Variants in PDE6A observed in about 807,000 individuals in gnomAD.
PDE6A encodes the protein phosphodiesterase 6A.
In PDE6A, 84 loss-of-function variants were observed where a neutral mutation model predicts 106.3. The ratio of observed to expected loss-of-function variants is 0.79; its 90% CI spans 0.66 to 0.95. The LOEUF is 0.95. PDE6A is among the 40% of genes least tolerant of loss of function. PDE6A has a pLI of 0.00. For synonymous variants in PDE6A, 394 were observed against 386.6 expected (o/e 1.02, Z -0.23); for missense variants, 1,052 against 1,084.9 (o/e 0.97, Z 0.43).
At chr5:149,926,456 A>G (rs1753865726) in intron 4 of PDE6A, among the ~76,000 whole-genome samples, 1 of 152,174 alleles carries the variant, frequency 6.6e-6, no homozygotes, top group Non-Finnish European at 1.5e-5. Flanking sequence ...GAATACTCAC[A>G]TTACTTCACA....
Position 149,893,248 on chromosome 5 carries a change from G to A in PDE6A, c.1728+1935C>T, listed in dbSNP as rs114869312. Among the ~76,000 whole-genome samples the A allele has an allele frequency of 3.6e-3, 541 of 152,162 alleles. 3 individuals are homozygous for A. Among genetic ancestry groups the A allele is most frequent in the African/African-American group, 8.6e-3 (359 of 41,506 alleles). ...CGACCATACCAAGTTCTTCTCTACCGCAAAACTTTAGGGCCTTGAGTCTTG... is the reference window on the plus strand; with the variant it reads ...CGACCATACCAAGTTCTTCTCTACCACAAAACTTTAGGGCCTTGAGTCTTG... On this transcript the variant is annotated intron_variant, in intron 13 of 21. Coordinates refer to ENST00000255266, the MANE Select transcript of PDE6A (RefSeq NM_000440.3).
rs771872337 is a variant in PDE6A at position 149,866,114 on chromosome 5, G to A, written c.2358+56C>T. 3.9e-4 allele frequency: 500 copies of A among 1,272,152 alleles called. 1 individual carries two copies. The highest frequency in any genetic ancestry group is 5.4e-4 in the Non-Finnish European group (472 of 868,522). The allele number at this position is 1,272,152 out of a possible 1,614,324, so 78.8% of individuals were successfully genotyped here. A position where few individuals can be genotyped will look rare whatever the true frequency, so the allele number is the denominator to read the frequency against. Reference sequence around the variant, plus strand: ...GGTTTATTATTCCTGCTGTTGTCTGGAAATCCCAGGTTTATCAAAGACATC... The same window carrying A: ...GGTTTATTATTCCTGCTGTTGTCTGAAAATCCCAGGTTTATCAAAGACATC... On this transcript the variant is annotated intron_variant, in intron 20 of 21. Transcript: ENST00000255266.
intron 5 of PDE6A, among the ~76,000 whole-genome samples, chr5:149,917,154 G>GT (rs1043687342): frequency 2.0e-5 from 3 of 147,708 alleles, no homozygotes; most frequent in African/African-American, 7.5e-5. Flanking sequence ...ATACAATTTT[G>GT]TTTTTCTAGG....
At chr5:149,878,910 C>T (rs1760831562) in intron 17 of PDE6A, among the ~76,000 whole-genome samples, 1 of 152,100 alleles carries the variant, frequency 6.6e-6, no homozygotes, top group African/African-American at 2.4e-5. Context: ...AAATATTTAC[C>T]TCCAGCTTAT....
At chr5:149,928,340 C>T (rs1183755192) in intron 4 of PDE6A, among the ~76,000 whole-genome samples, 1 of 148,732 alleles carries the variant, frequency 6.7e-6, no homozygotes, top group Non-Finnish European at 1.5e-5. Context: ...CAGGTTCAGG[C>T]AATTCTCCTG....
chr5:149,931,511 A>G (rs1754036151), intron 3 of PDE6A, among the ~76,000 whole-genome samples: 1 of 152,254 alleles, frequency 6.6e-6, no homozygotes, highest in Admixed American at 6.5e-5. Context: ...TATTGCACAC[A>G]TATTAAACTG....
At chr5:149,892,194 T>A (rs1752570131) in intron 13 of PDE6A, among the ~76,000 whole-genome samples, 1 of 152,002 alleles carries the variant, frequency 6.6e-6, no homozygotes, top group Non-Finnish European at 1.5e-5. Context: ...TACTTGTCTG[T>A]AGTTTTAGCT....
At chr5:149,938,800 C>A (rs1017051206) in intron 1 of PDE6A, among the ~76,000 whole-genome samples, 3 of 152,106 alleles carry the variant, frequency 2.0e-5, no homozygotes, top group African/African-American at 7.2e-5. Context: ...TGTGGCAAAT[C>A]TTCCCAAGGC....
intron 19 of PDE6A, chr5:149,867,185 G>T: frequency 5.3e-6 from 1 of 189,584 alleles, no homozygotes; most frequent in Non-Finnish European, 1.1e-5. Context: ...TCCCAGCTTT[G>T]CCTTCAGGGA....
chr5:149,944,545 G>A lies in PDE6A; in HGVS notation c.129C>T (p.Ala43=), dbSNP rs377694840. 1.5e-5 allele frequency: 25 copies of A among 1,614,020 alleles called. No homozygotes were observed. Among genetic ancestry groups the A allele is most frequent in the African/African-American group, 4.0e-5 (3 of 74,990 alleles). Residue 43 remains alanine (A), a synonymous_variant, in exon 1 of 22, where the codon GCC becomes GCT. Coordinates refer to ENST00000255266, the MANE Select transcript of PDE6A (RefSeq NM_000440.3). ...GGGAGTGGTAGTTGCTGAAGTCCAC[G>A]GCAGCCTCCTTGGCCCCAAGGAGGT... is the stretch of plus-strand genomic sequence containing the variant. ...ISDLLGAKEA[A]VDFSNYHSPS...
intron 20 of PDE6A, among the ~76,000 whole-genome samples, chr5:149,864,629 T>C (rs1760260448): frequency 6.6e-6 from 1 of 152,136 alleles, no homozygotes; most frequent in Non-Finnish European, 1.5e-5. Context: ...TCCTGTGAGG[T>C]AGGAAAATAA....
chr5:149,914,789 C>G (rs1753500695), intron 6 of PDE6A, among the ~76,000 whole-genome samples, 154 bp downstream of exon 6: 1 of 151,856 alleles, frequency 6.6e-6, no homozygotes, highest in Admixed American at 6.6e-5. Flanking sequence ...GCTTGTCTTT[C>G]TTCAGTCCTT....
At chr5:149,910,874 C>CTTTTTTTTTTTTT (rs386405293) in intron 6 of PDE6A, among the ~76,000 whole-genome samples, 5 of 87,150 alleles carry the variant, frequency 5.7e-5, no homozygotes, top group South Asian at 4.8e-4. Context: ...TTTCTTTTTC[C>CTTTTTTTTTTTTT]TTTTTTTTTT....
At chr5:149,862,443 G>A (rs960689599) in intron 21 of PDE6A, among the ~76,000 whole-genome samples, 2 of 152,232 alleles carry the variant, frequency 1.3e-5, no homozygotes, top group African/African-American at 4.8e-5. Context: ...ACATCAGACA[G>A]AAGGCTGGAA....
At chr5:149,936,255 TTAAA>T (rs1372951717) in intron 1 of PDE6A, among the ~76,000 whole-genome samples, 4 of 151,926 alleles carry the variant, frequency 2.6e-5, no homozygotes, top group Non-Finnish European at 1.5e-5. Context: ...TGGAATGGGA[TTAAA>T]TAAATAGTCA....
chr5:149,919,048 G>C (rs1460323278), intron 5 of PDE6A, among the ~76,000 whole-genome samples: 1 of 152,138 alleles, frequency 6.6e-6, no homozygotes, highest in Non-Finnish European at 1.5e-5. Context: ...CTGCGAGGGG[G>C]AGGAGGCAGA....
rs1754416153 is a variant in PDE6A at position 149,944,579 on chromosome 5, A to C, written c.95T>G (p.Leu32Arg). Residue 32 changes from leucine to arginine, a missense_variant, in exon 1 of 22, where the codon CTC becomes CGC. Physicochemically the swap from Leu to Arg is moderately radical, Grantham distance 102. Around this residue, in one of 3 missense-constraint regions of PDE6A, gnomAD observed 913 missense variants for 915.2 expected, o/e 1.00. Coordinates refer to ENST00000255266, the MANE Select transcript of PDE6A (RefSeq NM_000440.3). ...CTTGGCCCCAAGGAGGTCGGAGATG[A>C]GCTTGGCCCGGTAGTGGAGGTTGTA... ...QYYNLHYRAK[L>R]ISDLLGAKEA... The C allele has an allele frequency of 6.2e-7, 1 of 1,613,824 alleles. No individual in the cohort carries two copies. The highest frequency in any genetic ancestry group is 1.3e-5 in the African/African-American group (1 of 74,840).
At position 149,859,279 on chromosome 5, in the gene PDE6A, G is replaced by C. The variant is rs919265244; in HGVS notation, c.*1616C>G. The C allele has an allele frequency of 2.0e-5, 3 of 152,154 alleles. No homozygotes were observed. Among genetic ancestry groups the C allele is most frequent in the African/African-American group, 7.2e-5 (3 of 41,442 alleles). The allele number at this position is 152,154 out of a possible 1,614,324, so 9.4% of individuals were successfully genotyped here. A position where few individuals can be genotyped will look rare whatever the true frequency, so the allele number is the denominator to read the frequency against. ...TCTTTTTTCTAAAAACCAACAAAAA[G>C]AAACAACTAAATTCAATATGTGAAT... On this transcript the variant is annotated 3_prime_UTR_variant, in exon 22 of 22. Transcript: ENST00000255266.
At chr5:149,900,788 G>C (rs965101893) in intron 8 of PDE6A, among the ~76,000 whole-genome samples, 2 of 152,100 alleles carry the variant, frequency 1.3e-5, no homozygotes, top group Non-Finnish European at 2.9e-5. Flanking sequence ...CTGGCTGCCC[G>C]TAGCACTCTA....
Sources: allele counts gnomAD v4.1 joint callset (sites outside exome capture counted in the v4.1 genomes callset), GRCh38; gene constraint gnomAD v4.1.1; regional missense constraint gnomAD v4.1.1; transcripts MANE v1.5; gene names NCBI Gene and HGNC (gene_info 2026-07-23, HGNC 2026-07-21).